Variants in RAB18 observed in about 807,000 individuals in gnomAD.
The protein encoded by RAB18 is RAB18, member RAS oncogene family, also known as ras-related protein Rab-18.
Under a neutral mutation model 28.5 loss-of-function variants are expected in RAB18, and 10 were observed. The ratio of observed to expected loss-of-function variants is 0.35; its 90% CI spans 0.22 to 0.60. RAB18 has a LOEUF of 0.60. RAB18 is among the 20% of genes least tolerant of loss of function. The pLI is 0.78. For missense variants in RAB18, 188 were observed against 244.2 expected, an observed-to-expected ratio of 0.77 and a Z score of 1.53; for synonymous variants, 93 against 86.9, an observed-to-expected ratio of 1.07 and a Z score of -0.39.
At chr10:27,516,293 C>T (rs539419510) in intron 2 of RAB18, among the ~76,000 whole-genome samples, 93 of 152,228 alleles carry the variant, frequency 6.1e-4, no homozygotes, top group Middle Eastern at 3.4e-3. Flanking sequence ...CAGTGGCTCA[C>T]GCCTGTAGTC....
At chr10:27,519,781 TC>T (rs1312715317) in intron 2 of RAB18, among the ~76,000 whole-genome samples, 1 of 152,102 alleles carries the variant, frequency 6.6e-6, no homozygotes, top group Non-Finnish European at 1.5e-5. Flanking sequence ...ATAATCCCTA[TC>T]AAAATCCCAG....
chr10:27,534,381 C>G (rs887208776), intron 6 of RAB18, among the ~76,000 whole-genome samples: 2 of 152,182 alleles, frequency 1.3e-5, no homozygotes, highest in Non-Finnish European at 2.9e-5. Context: ...TGCATTTTAA[C>G]AAGCTCTTCA....
intron 6 of RAB18, 117 bp from the exon 7 acceptor site, chr10:27,537,759 G>A: frequency 1.2e-6 from 1 of 865,378 alleles, no homozygotes; most frequent in Non-Finnish European, 1.8e-6. Context: ...AAAAATTGCT[G>A]ATTTGGATCT....
intron 1 of RAB18, chr10:27,505,188 A>AAGAC (rs1460632369): frequency 1.9e-6 from 1 of 527,104 alleles, no homozygotes. Flanking sequence ...AGTTGAGTAT[A>AAGAC]AGGTAAGACA....
At chr10:27,505,793 C>T (rs1837814700) in intron 1 of RAB18, among the ~76,000 whole-genome samples, 1 of 152,098 alleles carries the variant, frequency 6.6e-6, no homozygotes. Context: ...CTTTTGACCT[C>T]GTGACCCGCC....
At chr10:27,511,619 C>T (rs1713527294) in intron 2 of RAB18, among the ~76,000 whole-genome samples, 2 of 152,240 alleles carry the variant, frequency 1.3e-5, no homozygotes, top group African/African-American at 4.8e-5. Flanking sequence ...TTGTGTATGT[C>T]CAGTATGTCC....
rs1389995316 is a variant in RAB18 at position 27,542,045 on chromosome 10, G to T, written c.*3994G>T. The stretch of plus-strand genomic sequence containing the variant: ...GAAGACATCTTGTTGGAGATAGTGT[G>T]CTGGGAGGAGTCACATTCTGAACTT... On this transcript the variant is annotated 3_prime_UTR_variant, in exon 7 of 7. Transcript: ENST00000356940. 1 of 454,092 alleles carries T rather than the reference G, an allele frequency of 2.2e-6. No homozygotes were observed. Among genetic ancestry groups the T allele is most frequent in the Non-Finnish European group, 4.4e-6 (1 of 226,784 alleles). The allele number at this position is 454,092 out of a possible 1,614,324, so 28.1% of individuals were successfully genotyped here. A position where few individuals can be genotyped will look rare whatever the true frequency, so the allele number is the denominator to read the frequency against.
chr10:27,536,917 G>A (rs1336128845), intron 6 of RAB18, among the ~76,000 whole-genome samples: 2 of 152,214 alleles, frequency 1.3e-5, no homozygotes, highest in Non-Finnish European at 2.9e-5. Flanking sequence ...TAACTCTTTA[G>A]AAGAGGTTTC....
chr10:27,532,702 G>T (rs551549431), intron 4 of RAB18, 123 bp downstream of exon 4: 2 of 724,690 alleles, frequency 2.8e-6, no homozygotes, highest in Admixed American at 4.7e-5. Context: ...GTAACTTGTA[G>T]TTGTATTAAC....
intron 6 of RAB18, among the ~76,000 whole-genome samples, chr10:27,534,970 A>G (rs1364674347): frequency 2.0e-5 from 3 of 152,232 alleles, no homozygotes; most frequent in African/African-American, 7.2e-5. Context: ...ACAGTGGACA[A>G]AACTGACAAA....
At chr10:27,510,735 A>T (rs189375125) in intron 2 of RAB18, among the ~76,000 whole-genome samples, 1 of 152,310 alleles carries the variant, frequency 6.6e-6, no homozygotes, top group Non-Finnish European at 1.5e-5. Context: ...TCATGATCTG[A>T]TGAGGAGAAT....
chr10:27,512,838 G>T (rs965113965), intron 2 of RAB18, among the ~76,000 whole-genome samples: 1 of 151,814 alleles, frequency 6.6e-6, no homozygotes, highest in Non-Finnish European at 1.5e-5. Context: ...ATGACAAATC[G>T]TGGGTTGTCT....
chr10:27,539,093 T>C lies in RAB18; in HGVS notation c.*1042T>C. On this transcript the variant is annotated 3_prime_UTR_variant, in exon 7 of 7. Coordinates refer to ENST00000356940, the MANE Select transcript of RAB18 (RefSeq NM_021252.5). ...ACTGTCACAATGAAAATCTTGACAA[T>C]TTACTTAACAAGTAACCAGTAGTTC... 2.4e-6 allele frequency: 1 copy of C among 423,206 alleles called. No homozygotes were observed. Among genetic ancestry groups the C allele is most frequent in the South Asian group, 1.7e-5 (1 of 59,240 alleles). The allele number at this position is 423,206 out of a possible 1,614,324, so 26.2% of individuals were successfully genotyped here. A position where few individuals can be genotyped will look rare whatever the true frequency, so the allele number is the denominator to read the frequency against.
chr10:27,511,127 CAAAT>C (rs1834314737), intron 2 of RAB18, among the ~76,000 whole-genome samples: 1 of 152,198 alleles, frequency 6.6e-6, no homozygotes, highest in Non-Finnish European at 1.5e-5. Flanking sequence ...TAGCAAAAGA[CAAAT>C]AATTGTTTCG....
intron 3 of RAB18, among the ~76,000 whole-genome samples, chr10:27,529,375 C>A (rs1834742917): frequency 1.3e-5 from 2 of 151,854 alleles, no homozygotes; most frequent in Admixed American, 6.6e-5. Context: ...ATATATGAAT[C>A]CATAGTTGCC....
chr10:27,510,414 T>C, intron 2 of RAB18: 1 of 173,500 alleles, frequency 5.8e-6, no homozygotes, highest in Non-Finnish European at 1.2e-5. Flanking sequence ...TGATACTAGT[T>C]ATTAAGGATT....
At position 27,538,462 on chromosome 10, in the gene RAB18, C is replaced by T; in HGVS notation, c.*411C>T. 2.2e-6 allele frequency: 1 copy of T among 455,076 alleles called. No homozygotes were observed. Among genetic ancestry groups the T allele is most frequent in the Non-Finnish European group, 4.4e-6 (1 of 227,242 alleles). 28.2% of individuals were successfully genotyped at this position (455,076 alleles called of 1,614,324 possible). A position where few individuals can be genotyped will look rare whatever the true frequency, so the allele number is the denominator to read the frequency against. On this transcript the variant is annotated 3_prime_UTR_variant, in exon 7 of 7. Transcript: ENST00000356940. ...GCACCACGGGGAAGAATAGAGGTAT[C>T]ATCAAACGTGGCAAATTTTCTTTCA... is the stretch of plus-strand genomic sequence containing the variant.
chr10:27,535,862 G>A (rs544698338), intron 6 of RAB18, among the ~76,000 whole-genome samples: 5 of 152,076 alleles, frequency 3.3e-5, no homozygotes, highest in Non-Finnish European at 5.9e-5. Flanking sequence ...CGAGGCAGGC[G>A]GATTACGAGG....
intron 3 of RAB18, among the ~76,000 whole-genome samples, chr10:27,532,086 C>T (rs1479468286): frequency 6.6e-6 from 1 of 151,624 alleles, no homozygotes; most frequent in Non-Finnish European, 1.5e-5. Context: ...ATCAGTGGTT[C>T]TCAGCCTTGA....
Sources: gnomAD v4.1 joint callset for allele counts (sites outside exome capture counted in the v4.1 genomes callset) on GRCh38, gnomAD v4.1.1 for gene constraint, MANE v1.5 for transcripts, NCBI Gene and HGNC (gene_info 2026-07-23, HGNC 2026-07-21) for gene names.